DOK1: variants seen among roughly 807,000 people sequenced by gnomAD.
DOK1 encodes the protein Downstream of tyrosine kinase 1.
In DOK1, 12 loss-of-function variants were observed where a neutral mutation model predicts 24.0. The observed-to-expected ratio is 0.50, with a 90% CI of 0.32 to 0.81. The LOEUF (loss-of-function observed/expected upper bound fraction) is 0.81. Ranked by LOEUF, DOK1 falls within the 30% of genes least tolerant of loss-of-function variation. The pLI is 0.03. For missense variants in DOK1, 591 were observed against 620.7 expected, an observed-to-expected ratio of 0.95 and a Z score of 0.51; for synonymous variants, 250 against 260.9, an observed-to-expected ratio of 0.96 and a Z score of 0.40.
At position 74,555,475 on chromosome 2, in the gene DOK1, G is replaced by C. The variant is rs146076267; in HGVS notation, c.360+22G>C. The C allele has an allele frequency of 3.2e-4, 512 of 1,608,226 alleles. 4 individuals are homozygous for C. In the African/African-American group the frequency reaches 5.7e-3, roughly 18 times the overall value. On this transcript the variant is annotated intron_variant, in intron 2 of 4. Transcript: ENST00000233668. This position sits in a 1 kb window ranked among gnomAD's most constrained non-coding sequence, Gnocchi z 6.1. The stretch of plus-strand genomic sequence containing the variant: ...TCCGGTGAGGAGCTGCGGCGATGCG[G>C]GGTGGGGGCAGTTACAGAGGCAGAG...
upstream of DOK1, chr2:74,550,474 G>C: frequency 1.9e-6 from 2 of 1,043,370 alleles, no homozygotes; most frequent in Non-Finnish European, 2.8e-6. Flanking sequence ...TTTCTGGTAT[G>C]ATAAGGGGTG....
rs751366665 is a variant in DOK1, at chr2:74,554,747, C to T, written c.-8C>T. 4 of 1,611,542 alleles carry T rather than the reference C, an allele frequency of 2.5e-6. No individual in the cohort carries two copies. The highest frequency in any genetic ancestry group is 1.3e-5 in the African/African-American group (1 of 74,992). On this transcript the variant is annotated 5_prime_UTR_variant, in exon 1 of 5. Coordinates refer to ENST00000233668, the MANE Select transcript of DOK1 (RefSeq NM_001381.5). The surrounding 1 kb of genome is among the most constrained non-coding windows in gnomAD (Gnocchi z 4.9). Reference sequence around the variant, plus strand: ...GGCCAGGAAGCGCGGAAGGAACCGCCGGGGGCCATGGACGGAGCAGTGATG... The same window carrying T: ...GGCCAGGAAGCGCGGAAGGAACCGCTGGGGGCCATGGACGGAGCAGTGATG...
chr2:74,553,342 C>T (rs558100529), upstream of DOK1, among the ~76,000 whole-genome samples: 8 of 152,330 alleles, frequency 5.3e-5, no homozygotes, highest in African/African-American at 1.9e-4. Flanking sequence ...CTGCTGCACG[C>T]CCTCCCCAAC....
chr2:74,554,867 A>T lies in DOK1; in HGVS notation c.60+53A>T, dbSNP rs1677302481. The stretch of plus-strand genomic sequence containing the variant: ...TATCCGGGCTAGTAGTGGGTGAGAG[A>T]GCCCAGAAACAGGGAGAGGTGGGCA... On this transcript the variant is annotated intron_variant, in intron 1 of 4. Coordinates refer to ENST00000233668, the MANE Select transcript of DOK1 (RefSeq NM_001381.5). The surrounding 1 kb of genome is among the most constrained non-coding windows in gnomAD (Gnocchi z 4.9). 6.2e-7 allele frequency: 1 copy of T among 1,607,558 alleles called. No homozygotes were observed. Among genetic ancestry groups the T allele is most frequent in the African/African-American group, 1.3e-5 (1 of 74,896 alleles).
rs377436821 is a variant in DOK1, at chr2:74,555,659, A to G, written c.445A>G (p.Thr149Ala). The G allele has an allele frequency of 5.6e-6, 9 of 1,613,850 alleles. No homozygotes were observed. The highest frequency in any genetic ancestry group is 5.3e-5 in the African/African-American group (4 of 74,904). Residue 149 changes from threonine to alanine, a missense_variant, in exon 3 of 5, where the codon ACC (threonine) becomes GCC (alanine). Coordinates refer to ENST00000233668, the MANE Select transcript of DOK1 (RefSeq NM_001381.5). This position sits in a 1 kb window ranked among gnomAD's most constrained non-coding sequence, Gnocchi z 6.1. ...GCTGGAGAACTCCTTGTACAGCCCTACCTGGGAAGGTAGACGCCTCAGAAG... is the reference window on the plus strand; with the variant it reads ...GCTGGAGAACTCCTTGTACAGCCCTGCCTGGGAAGGTAGACGCCTCAGAAG... ...EMLENSLYSPTWEGSQFWVTV... is the reference protein window; with the variant it reads ...EMLENSLYSPAWEGSQFWVTV...
rs1677461526 is a variant in DOK1, at chr2:74,556,295, C to A, written c.640-13C>A. 1 of 1,606,514 alleles carries A rather than the reference C, an allele frequency of 6.2e-7. No homozygotes were observed. The highest frequency in any genetic ancestry group is 8.5e-7 in the Non-Finnish European group (1 of 1,175,258). ...GGCTCCTGGTAATGTGTTTCCCCCT[C>A]TACCCTCCTTAGGTCATGTTCTCTT... On this transcript the variant is annotated splice_polypyrimidine_tract_variant and intron_variant, in intron 4 of 4. Transcript: ENST00000233668. The surrounding 1 kb of genome is among the most constrained non-coding windows in gnomAD (Gnocchi z 4.1).
upstream of DOK1, chr2:74,549,796 G>C: frequency 1.4e-6 from 2 of 1,414,672 alleles, no homozygotes; most frequent in South Asian, 3.3e-5. This position sits in a 1 kb window ranked among gnomAD's most constrained non-coding sequence, Gnocchi z 5.3. Flanking sequence ...TCCCAGAGAG[G>C]ATTCAGGGCA....
upstream of DOK1, among the ~76,000 whole-genome samples, chr2:74,550,864 G>A (rs1676959634): frequency 6.6e-6 from 1 of 151,886 alleles, no homozygotes. Context: ...TCACATCCTT[G>A]CATTCTCTCT....
Position 74,557,503 on chromosome 2 carries a change from C to T in DOK1, c.*389C>T. On this transcript the variant is annotated 3_prime_UTR_variant, in exon 5 of 5. Coordinates refer to ENST00000233668, the MANE Select transcript of DOK1 (RefSeq NM_001381.5). ...TCCTGCATTGTTCTTTGCCAGAGAC[C>T]TATTTAAAAATTTTAAAATTCTCAT... is the stretch of plus-strand genomic sequence containing the variant. 5.8e-6 allele frequency: 1 copy of T among 173,792 alleles called. No homozygotes were observed. The highest frequency in any genetic ancestry group is 1.2e-5 in the Non-Finnish European group (1 of 81,644). The allele number at this position is 173,792 out of a possible 1,614,324, so 10.8% of individuals were successfully genotyped here.
chr2:74,555,734 G>T lies in DOK1; in HGVS notation c.454+66G>T, dbSNP rs998888055. The T allele has an allele frequency of 6.2e-7, 1 of 1,608,240 alleles. No individual in the cohort carries two copies. Among genetic ancestry groups the T allele is most frequent in the African/African-American group, 1.3e-5 (1 of 74,756 alleles). On this transcript the variant is annotated intron_variant, in intron 3 of 4. Coordinates refer to ENST00000233668, the MANE Select transcript of DOK1 (RefSeq NM_001381.5). This position sits in a 1 kb window ranked among gnomAD's most constrained non-coding sequence, Gnocchi z 6.1. ...GAGGAGGGCCGAGGGCCTTTGGGAA[G>T]TGGGTGGATACCCAGGGGCCCATGG...
chr2:74,551,165 C>G (rs765781488), upstream of DOK1, among the ~76,000 whole-genome samples: 10 of 152,358 alleles, frequency 6.6e-5, no homozygotes, highest in Non-Finnish European at 1.3e-4. Context: ...AACTCCTGAC[C>G]TCAGGTGATC....
chr2:74,556,108 G>C lies in DOK1; in HGVS notation c.639+30G>C, dbSNP rs751278360. On this transcript the variant is annotated intron_variant, in intron 4 of 4. Transcript: ENST00000233668. This position sits in a 1 kb window ranked among gnomAD's most constrained non-coding sequence, Gnocchi z 4.1. ...AGGGGCTGTCCGGGAGGGCTTCCTG[G>C]GTTGGGCAGCTGTGGGAGGGGTGGG... The C allele has an allele frequency of 8.4e-6, 13 of 1,553,186 alleles. No homozygotes were observed. Among genetic ancestry groups the C allele is most frequent in the Non-Finnish European group, 1.1e-5 (13 of 1,147,642 alleles).
chr2:74,555,314 C>T lies in DOK1; in HGVS notation c.221C>T (p.Ala74Val). The T allele has an allele frequency of 6.2e-7, 1 of 1,614,026 alleles. No individual in the cohort carries two copies. Among genetic ancestry groups the T allele is most frequent in the Non-Finnish European group, 8.5e-7 (1 of 1,179,994 alleles). The change falls in exon 2 of 5, where the codon GCC (alanine) becomes GTC (valine). Residue 74 changes from alanine (A) to valine (V), a missense_variant. Physicochemically the swap from Ala to Val is moderately conservative, Grantham distance 64. Coordinates refer to ENST00000233668, the MANE Select transcript of DOK1 (RefSeq NM_001381.5). The surrounding 1 kb of genome is among the most constrained non-coding windows in gnomAD (Gnocchi z 6.1). ...CGTCTGGCTGAGTGTGTGAGTGTGG[C>T]CCCCGTCACCGTGGAGACCCCCCCT... ...VIRLAECVSV[A>V]PVTVETPPEP...
Position 74,555,655 on chromosome 2 carries a change from C to A in DOK1, c.441C>A (p.Ser147Arg), listed in dbSNP as rs770029479. 4 of 1,614,042 alleles carry A rather than the reference C, an allele frequency of 2.5e-6. No individual in the cohort carries two copies. Among genetic ancestry groups the A allele is most frequent in the Admixed American group, 1.7e-5 (1 of 60,006 alleles). The change falls in exon 3 of 5, where the codon AGC (serine) becomes AGA (arginine). Residue 147 changes from serine to arginine, a missense_variant. Transcript: ENST00000233668. This position sits in a 1 kb window ranked among gnomAD's most constrained non-coding sequence, Gnocchi z 6.1. ...AGATGCTGGAGAACTCCTTGTACAG[C>A]CCTACCTGGGAAGGTAGACGCCTCA... ...ALEMLENSLYSPTWEGSQFWV... is the reference protein window; with the variant it reads ...ALEMLENSLYRPTWEGSQFWV...
chr2:74,550,429 G>T, upstream of DOK1: 1 of 1,444,588 alleles, frequency 6.9e-7, no homozygotes. Context: ...AAGAGTGAGT[G>T]CTGAGGCCTC....
chr2:74,555,718 C>A lies in DOK1; in HGVS notation c.454+50C>A. Reference sequence around the variant, plus strand: ...GGGATGGAGTGAAGAGGAGGAGGGCCGAGGGCCTTTGGGAAGTGGGTGGAT... The same window carrying A: ...GGGATGGAGTGAAGAGGAGGAGGGCAGAGGGCCTTTGGGAAGTGGGTGGAT... On this transcript the variant is annotated intron_variant, in intron 3 of 4. Coordinates refer to ENST00000233668, the MANE Select transcript of DOK1 (RefSeq NM_001381.5). The surrounding 1 kb of genome is among the most constrained non-coding windows in gnomAD (Gnocchi z 6.1). The A allele has an allele frequency of 2.5e-6, 4 of 1,611,122 alleles. No homozygotes were observed. The highest frequency in any genetic ancestry group is 3.4e-6 in the Non-Finnish European group (4 of 1,178,986).
upstream of DOK1, among the ~76,000 whole-genome samples, chr2:74,553,479 G>C (rs941219194): frequency 1.2e-4 from 18 of 152,206 alleles, no homozygotes; most frequent in Non-Finnish European, 2.5e-4. Context: ...ACCGGGCAAC[G>C]GGAGGCCAGG....
chr2:74,552,841 G>A (rs1201551640), upstream of DOK1: 4 of 566,776 alleles, frequency 7.1e-6, no homozygotes, highest in African/African-American at 7.5e-5. Flanking sequence ...TGAGGCACAG[G>A]TCATAGAGGC....
rs1204926296 is a variant in DOK1 at position 74,555,937 on chromosome 2, G to C, written c.498G>C (p.Glu166Asp). The change falls in exon 4 of 5, where the codon GAG (glutamate) becomes GAC (aspartate). Residue 166 changes from glutamate to aspartate, a missense_variant. By Grantham distance (45) the Glu-to-Asp change is conservative. Coordinates refer to ENST00000233668, the MANE Select transcript of DOK1 (RefSeq NM_001381.5). The surrounding 1 kb of genome is among the most constrained non-coding windows in gnomAD (Gnocchi z 6.1). ...CGGTGCAGAGGACTGAGGCCGCCGA[G>C]CGCTGTGGCCTGCATGGCTCCTACG... ...WVTVQRTEAA[E>D]RCGLHGSYVL... The C allele has an allele frequency of 6.2e-7, 1 of 1,613,136 alleles. No individual in the cohort carries two copies. Among genetic ancestry groups the C allele is most frequent in the African/African-American group, 1.3e-5 (1 of 74,896 alleles).
Sources: allele counts gnomAD v4.1 joint callset (sites outside exome capture counted in the v4.1 genomes callset), GRCh38; gene constraint gnomAD v4.1.1; non-coding constraint Gnocchi (gnomAD v3.1); transcripts MANE v1.5; gene names NCBI Gene and HGNC (gene_info 2026-07-23, HGNC 2026-07-21).